The following WASHC2C variants were observed in gnomAD, a reference collection of about 807,000 sequenced individuals.
WASHC2C encodes the protein WASH complex subunit 2C.
Under a neutral mutation model 142.2 loss-of-function variants are expected in WASHC2C, and 73 were observed. That is an observed-to-expected ratio of 0.51 (90% CI 0.43 to 0.62). The LOEUF (loss-of-function observed/expected upper bound fraction) is 0.62, where lower values mean the gene tolerates loss of function less well. WASHC2C is among the 20% of genes least tolerant of loss of function. The pLI, the probability that WASHC2C is intolerant of heterozygous loss-of-function variation, is 0.00. For synonymous variants in WASHC2C, 337 were observed against 565.5 expected, an observed-to-expected ratio of 0.60 and a Z score of 5.73; for missense variants, 969 against 1,531.7, an observed-to-expected ratio of 0.63 and a Z score of 6.13.
At chr10:45,783,293 C>A (rs2057663347) in intron 23 of WASHC2C, among the ~76,000 whole-genome samples, 1 of 152,042 alleles carries the variant, frequency 6.6e-6, no homozygotes, top group African/African-American at 2.4e-5. Flanking sequence ...GATATATTTT[C>A]TCCCAGTCTC....
intron 17 of WASHC2C, 118 bp from the exon 18 acceptor site, chr10:45,763,270 G>C: frequency 1.7e-6 from 1 of 589,598 alleles, no homozygotes; most frequent in South Asian, 2.0e-5. Context: ...TTCCCTCTCA[G>C]GAAAGAAGCC....
chr10:45,769,329 A>G lies in WASHC2C; in HGVS notation c.1870-120A>G, dbSNP rs1589839716. 10 of 1,441,814 alleles carry G rather than the reference A, an allele frequency of 6.9e-6. No homozygotes were observed. In the East Asian group the frequency reaches 1.1e-4, roughly 16 times the overall value. The allele number at this position is 1,441,814 out of a possible 1,614,324, so 89.3% of individuals were successfully genotyped here. On this transcript the variant is annotated intron_variant, in intron 19 of 30. Coordinates refer to ENST00000623400, the MANE Select transcript of WASHC2C (RefSeq NM_001330074.2). ...GAGATGGGGTTTCACCGTGTTAGCA[A>G]GGATGGTCTTGATCTGCTGATCTCG...
intron 19 of WASHC2C, among the ~76,000 whole-genome samples, chr10:45,769,203 T>C (rs538144952): frequency 1.3e-5 from 2 of 151,910 alleles, no homozygotes; most frequent in South Asian, 2.1e-4. Flanking sequence ...CTGCAAGCTC[T>C]GCCTCCTGGG....
chr10:45,758,414 G>T (rs1189964830), intron 16 of WASHC2C, among the ~76,000 whole-genome samples: 2 of 152,092 alleles, frequency 1.3e-5, no homozygotes, highest in African/African-American at 4.8e-5. Context: ...ATCCACTGAT[G>T]ATCTTTTCTT....
At chr10:45,787,896 A>C (rs146388196) in intron 28 of WASHC2C, among the ~76,000 whole-genome samples, 1 of 152,158 alleles carries the variant, frequency 6.6e-6, no homozygotes, top group Non-Finnish European at 1.5e-5. Flanking sequence ...GATCTCCTCA[A>C]TGGACTGTGA....
chr10:45,734,359 C>CTCTG (rs1554863605), intron 3 of WASHC2C, among the ~76,000 whole-genome samples: 26 of 148,154 alleles, frequency 1.8e-4, no homozygotes, highest in African/African-American at 6.2e-4. Context: ...TTCTAGATGA[C>CTCTG]TGTGTGTGTG....
At chr10:45,751,717 C>T (rs1554874672) in intron 11 of WASHC2C, among the ~76,000 whole-genome samples, 164 bp downstream of exon 11, 1 of 152,226 alleles carries the variant, frequency 6.6e-6, no homozygotes, top group African/African-American at 2.4e-5. Flanking sequence ...GTGGCTCACA[C>T]ATGTAATCCC....
At chr10:45,784,293 C>CACGTGTAT (rs1305333868) in intron 23 of WASHC2C, among the ~76,000 whole-genome samples, 1 of 63,660 alleles carries the variant, frequency 1.6e-5, no homozygotes, top group African/African-American at 5.1e-5. Context: ...TATATATACA[C>CACGTGTAT]ATATATATAT....
chr10:45,754,888 G>A lies in WASHC2C; in HGVS notation c.1241-48G>A, dbSNP rs372623291. 1.4e-4 allele frequency: 233 copies of A among 1,609,098 alleles called. No individual in the cohort carries two copies. The African/African-American group carries it at 2.1e-3, about 15-fold the overall frequency. On this transcript the variant is annotated intron_variant, in intron 14 of 30. Coordinates refer to ENST00000623400, the MANE Select transcript of WASHC2C (RefSeq NM_001330074.2). ...ATAATTTTTTTCTGTAAATTCAACC[G>A]GCCCACACTGGCTCACAGCTGTGGC... is the stretch of plus-strand genomic sequence containing the variant.
chr10:45,761,000 C>T (rs1428033927), intron 17 of WASHC2C, among the ~76,000 whole-genome samples: 7 of 152,064 alleles, frequency 4.6e-5, no homozygotes, highest in African/African-American at 9.6e-5. Flanking sequence ...CAGTGACTTA[C>T]GAGATGTTCT....
At chr10:45,749,738 A>G (rs1284570883) in intron 8 of WASHC2C, among the ~76,000 whole-genome samples, 7 of 149,754 alleles carry the variant, frequency 4.7e-5, no homozygotes, top group Non-Finnish European at 8.9e-5. Flanking sequence ...AGGCAGGAGA[A>G]TAGCATGAAC....
chr10:45,749,781 G>A lies in WASHC2C; in HGVS notation c.733-315G>A, dbSNP rs183487201. Among the ~76,000 whole-genome samples, 416 of 141,852 alleles carry A rather than the reference G, an allele frequency of 2.9e-3. 1 individual carries two copies. The highest frequency in any genetic ancestry group is 0.01 in the African/African-American group (382 of 37,222). 93.1% of individuals were successfully genotyped at this position (141,852 alleles called of 152,430 possible). On this transcript the variant is annotated intron_variant, in intron 8 of 30. Coordinates refer to ENST00000623400, the MANE Select transcript of WASHC2C (RefSeq NM_001330074.2). ...GCAGAGGTTTCAGTGAGCCGAGATC[G>A]TGCTGATGCACTCCAGCCTGGGCCA...
intron 23 of WASHC2C, among the ~76,000 whole-genome samples, chr10:45,784,293 C>CACACATATATATATATAT (rs1305333868): frequency 4.7e-5 from 3 of 63,646 alleles, no homozygotes; most frequent in African/African-American, 1.5e-4. Context: ...TATATATACA[C>CACACATATATATATATAT]ATATATATAT....
chr10:45,731,979 G>A (rs1444619434), intron 3 of WASHC2C, among the ~76,000 whole-genome samples: 2 of 151,828 alleles, frequency 1.3e-5, no homozygotes, highest in Admixed American at 6.6e-5. Flanking sequence ...TGCATTTTTA[G>A]TAGAGATGGG....
At chr10:45,784,982 G>A (rs1407085431) in intron 25 of WASHC2C, 81 bp downstream of exon 25, 7 of 1,611,096 alleles carry the variant, frequency 4.3e-6, no homozygotes, top group Non-Finnish European at 5.9e-6. Flanking sequence ...AGATGATTAA[G>A]GAAAATCCTA....
At chr10:45,770,602 C>T (rs1398052505) in intron 20 of WASHC2C, among the ~76,000 whole-genome samples, 69 of 152,240 alleles carry the variant, frequency 4.5e-4, no homozygotes, top group Non-Finnish European at 7.9e-4. Flanking sequence ...TGTGGTTAAG[C>T]GTCATTTGAT....
chr10:45,749,267 T>C (rs2053232817), intron 8 of WASHC2C, among the ~76,000 whole-genome samples: 3 of 151,772 alleles, frequency 2.0e-5, no homozygotes, highest in Admixed American at 2.0e-4. Flanking sequence ...AAACCCCGTC[T>C]CTACCAAAAA....
intron 12 of WASHC2C, 121 bp downstream of exon 12, chr10:45,752,827 A>G (rs1397781717): frequency 1.1e-5 from 7 of 635,558 alleles, no homozygotes; most frequent in East Asian, 5.8e-5. Flanking sequence ...AGTTGCTTCT[A>G]TTTTCATATT....
chr10:45,790,557 A>T, intron 30 of WASHC2C, 24 bp downstream of exon 30: 1 of 1,611,920 alleles, frequency 6.2e-7, no homozygotes, highest in Non-Finnish European at 8.5e-7. Flanking sequence ...TCTACATCTG[A>T]CCTAGAGAAT....
Sources: allele counts gnomAD v4.1 joint callset (sites outside exome capture counted in the v4.1 genomes callset), GRCh38; gene constraint gnomAD v4.1.1; transcripts MANE v1.5; gene names NCBI Gene and HGNC (gene_info 2026-07-23, HGNC 2026-07-21).